Variants in PLPP3 observed in about 807,000 individuals in gnomAD.
The protein encoded by PLPP3 is PAP2 beta.
PLPP3 carries 6 observed loss-of-function variants against 29.6 expected under a neutral mutation model. The observed-to-expected ratio is 0.20, with a 90% CI of 0.11 to 0.40. The LOEUF (loss-of-function observed/expected upper bound fraction) is 0.40. Among genes scored for constraint, PLPP3 ranks in the 10% least tolerant of loss-of-function variants. The pLI is 1.00. For synonymous variants in PLPP3, 152 were observed against 159.7 expected (o/e 0.95, Z 0.36); for missense variants, 308 against 407.7 (o/e 0.76, Z 2.11).
At chr1:56,544,200 T>C (rs536066878) in intron 1 of PLPP3, among the ~76,000 whole-genome samples, 1 of 152,336 alleles carries the variant, frequency 6.6e-6, no homozygotes, top group Non-Finnish European at 1.5e-5. Flanking sequence ...TCAGCCTCCT[T>C]AAAATCCCCA....
At chr1:56,502,240 G>A (rs1162019551) in intron 5 of PLPP3, among the ~76,000 whole-genome samples, 3 of 152,204 alleles carry the variant, frequency 2.0e-5, no homozygotes, top group Non-Finnish European at 4.4e-5. Flanking sequence ...TAGGGTCCCT[G>A]AGTGTAAGTG....
intron 1 of PLPP3, among the ~76,000 whole-genome samples, chr1:56,540,799 C>CCCAACTAGGCAGCTAGT (rs1645963805): frequency 6.6e-6 from 1 of 152,120 alleles, no homozygotes; most frequent in Non-Finnish European, 1.5e-5. Flanking sequence ...TAAACATCCC[C>CCCAACTAGGCAGCTAGT]CCAACTAGGC....
At chr1:56,557,590 G>A (rs1421486136) in intron 1 of PLPP3, among the ~76,000 whole-genome samples, 1 of 152,168 alleles carries the variant, frequency 6.6e-6, no homozygotes, top group Non-Finnish European at 1.5e-5. Context: ...GAATGCAGTT[G>A]CTTTGGGTCT....
intron 2 of PLPP3, among the ~76,000 whole-genome samples, chr1:56,525,356 C>T (rs1645845962): frequency 6.6e-6 from 1 of 152,204 alleles, no homozygotes; most frequent in Non-Finnish European, 1.5e-5. Flanking sequence ...GTGCTGTCTT[C>T]TCTGAGCCTG....
intron 1 of PLPP3, among the ~76,000 whole-genome samples, chr1:56,549,431 A>G (rs113236745): frequency 0.018 from 2,802 of 152,272 alleles, 38 homozygotes; most frequent in Non-Finnish European, 0.027. Context: ...CTCTGCCACC[A>G]ACTACCAGTT....
rs536232660 is a variant in PLPP3, at chr1:56,537,991, G to C, written c.140-879C>G. Reference sequence around the variant, plus strand: ...CTTGACTTAAAAAGCAAAGGCCCATGATAACTCTTGTCTGGATGCTACAAG... The same window carrying C: ...CTTGACTTAAAAAGCAAAGGCCCATCATAACTCTTGTCTGGATGCTACAAG... On this transcript the variant is annotated intron_variant, in intron 1 of 5. Transcript: ENST00000371250. Among the ~76,000 whole-genome samples the C allele has an allele frequency of 1.2e-4, 19 of 152,282 alleles. No individual in the cohort carries two copies. The South Asian group carries it at 3.9e-3, about 32-fold the overall frequency.
intron 5 of PLPP3, among the ~76,000 whole-genome samples, chr1:56,497,035 G>C (rs1273618230): frequency 6.6e-6 from 1 of 152,208 alleles, no homozygotes; most frequent in African/African-American, 2.4e-5. Context: ...CATAATTAGT[G>C]ATAGTCATTA....
chr1:56,565,897 C>T (rs1325167763), intron 1 of PLPP3, among the ~76,000 whole-genome samples: 1 of 152,182 alleles, frequency 6.6e-6, no homozygotes, highest in African/African-American at 2.4e-5. Flanking sequence ...TCTGTACTTA[C>T]CAAGTAAACT....
chr1:56,523,853 G>A lies in PLPP3; in HGVS notation c.603C>T (p.Ser201=). The A allele has an allele frequency of 6.2e-7, 1 of 1,613,844 alleles. No individual in the cohort carries two copies. Among genetic ancestry groups the A allele is most frequent in the South Asian group, 1.1e-5 (1 of 91,092 alleles). Residue 201 remains serine (S), a synonymous_variant, in exon 4 of 6, where the codon TCC becomes TCT. Coordinates refer to ENST00000371250, the MANE Select transcript of PLPP3 (RefSeq NM_003713.5). The stretch of plus-strand genomic sequence containing the variant: ...AATACAGCATAGTGTACATGGAGAA[G>A]GAGGCATGGCCAGAGAAGAAGGACT... The part of the protein sequence containing the change: ...ARKSFFSGHA[S]FSMYTMLYLV...
intron 1 of PLPP3, 22 bp downstream of exon 1, chr1:56,578,856 G>A (rs1195743036): frequency 1.3e-6 from 2 of 1,528,176 alleles, no homozygotes; most frequent in Non-Finnish European, 1.8e-6. Context: ...GAGGGGCCGA[G>A]GGACAGCGGG....
intron 5 of PLPP3, among the ~76,000 whole-genome samples, chr1:56,498,498 T>C (rs907647723): frequency 6.6e-6 from 1 of 152,186 alleles, no homozygotes; most frequent in Non-Finnish European, 1.5e-5. Context: ...GCCTTACTTC[T>C]TTTTGTACTA....
Position 56,579,007 on chromosome 1 carries a change from A to G in PLPP3, c.10T>C (p.Tyr4His). The G allele has an allele frequency of 6.3e-7, 1 of 1,597,474 alleles. No individual in the cohort carries two copies. Among genetic ancestry groups the G allele is most frequent in the Non-Finnish European group, 8.5e-7 (1 of 1,173,574 alleles). Residue 4 changes from tyrosine (Y) to histidine (H), a missense_variant, in exon 1 of 6, where the codon TAC (tyrosine) becomes CAC (histidine). Physicochemically the swap from Tyr to His is moderately conservative, Grantham distance 83 (BLOSUM62 2). Around this residue, in one of 3 missense-constraint regions of PLPP3, gnomAD observed 67 missense variants for 61.3 expected, o/e 1.09. Transcript: ENST00000371250. ...GGGACGATCGCTTTGTCGTACTTGTAGTTTTGCATGGCGCTGGCTGCGGCG... is the reference window on the plus strand; with the variant it reads ...GGGACGATCGCTTTGTCGTACTTGTGGTTTTGCATGGCGCTGGCTGCGGCG... MQN[Y>H]KYDKAIVPES...
chr1:56,530,126 A>G (rs1180964690), intron 2 of PLPP3, among the ~76,000 whole-genome samples: 7 of 137,384 alleles, frequency 5.1e-5, no homozygotes, highest in African/African-American at 2.0e-4. Context: ...TTTTTTTTTT[A>G]CCTTGAATTT....
chr1:56,559,915 G>C (rs989391998), intron 1 of PLPP3, among the ~76,000 whole-genome samples: 2 of 152,158 alleles, frequency 1.3e-5, no homozygotes, highest in African/African-American at 4.8e-5. Context: ...ACTGGGCAGA[G>C]CTGAGGCAAA....
At chr1:56,513,815 G>GA (rs1390446764) in intron 4 of PLPP3, 3 of 151,924 alleles carry the variant, frequency 2.0e-5, no homozygotes, top group African/African-American at 7.3e-5. Flanking sequence ...ATAATAACCA[G>GA]TTAAAAATGT....
rs1209017663 is a variant in PLPP3, at chr1:56,510,709, AG to A, written c.810+1266del. Reference sequence around the variant, plus strand: ...GAAATAACTTCCTACAGTGTTCTCAAGAAAGGTTAGATCAACTCATTGATTC... The same window carrying A: ...GAAATAACTTCCTACAGTGTTCTCAAAAAGGTTAGATCAACTCATTGATTC... On this transcript the variant is annotated intron_variant, in intron 5 of 5. Coordinates refer to ENST00000371250, the MANE Select transcript of PLPP3 (RefSeq NM_003713.5). Among the ~76,000 whole-genome samples the A allele has an allele frequency of 1.5e-4, 23 of 152,354 alleles. 1 individual carries two copies. In the East Asian group the frequency reaches 4.4e-3, roughly 29 times the overall value.
chr1:56,572,349 C>T (rs1406783247), intron 1 of PLPP3, among the ~76,000 whole-genome samples: 3 of 152,130 alleles, frequency 2.0e-5, no homozygotes, highest in Non-Finnish European at 2.9e-5. Context: ...CACGCCTGGC[C>T]TTGCTGTTCT....
At chr1:56,505,774 T>A (rs1645698255) in intron 5 of PLPP3, among the ~76,000 whole-genome samples, 1 of 152,186 alleles carries the variant, frequency 6.6e-6, no homozygotes, top group Non-Finnish European at 1.5e-5. Flanking sequence ...CAATCAACAT[T>A]AGGCTGTTAG....
At chr1:56,527,840 C>T (rs546369509) in intron 2 of PLPP3, among the ~76,000 whole-genome samples, 1 of 152,224 alleles carries the variant, frequency 6.6e-6, no homozygotes, top group South Asian at 2.1e-4. Context: ...ACAGACGAGG[C>T]GAAGGCTTAA....
Sources: gnomAD v4.1 joint callset for allele counts (sites outside exome capture counted in the v4.1 genomes callset) on GRCh38, gnomAD v4.1.1 for gene constraint, gnomAD v4.1.1 regional missense constraint, MANE v1.5 for transcripts, NCBI Gene and HGNC (gene_info 2026-07-23, HGNC 2026-07-21) for gene names.